The following SORL1 variants were observed in gnomAD, a reference collection of about 807,000 sequenced individuals.
SORL1 encodes the protein sortilin-related receptor.
In SORL1, 127 loss-of-function variants were observed where a neutral mutation model predicts 273.7. That is an observed-to-expected ratio of 0.46 (90% CI 0.40 to 0.54). SORL1 has a LOEUF of 0.54. SORL1 is among the 20% of genes least tolerant of loss of function. SORL1 has a pLI of 0.00. For synonymous variants in SORL1, 1,031 were observed against 1,067.4 expected (o/e 0.97, Z 0.66); for missense variants, 2,494 against 2,846.1 (o/e 0.88, Z 2.81).
Position 121,591,089 on chromosome 11 carries a change from C to T in SORL1, c.4302C>T (p.Asp1434=), listed in dbSNP as rs1230078141. The change falls in exon 31 of 48, where the codon GAC becomes GAT. Residue 1434 remains aspartate, a synonymous_variant. Transcript: ENST00000260197. ...GCAGCAGTGGGACCTGCGTGATGGA[C>T]ACCTGGGTGTGCGACGGGTACCGAG... ...YRCSSGTCVM[D]TWVCDGYRDC... 1.9e-6 allele frequency: 3 copies of T among 1,614,114 alleles called. No individual in the cohort carries two copies. The African/African-American group carries it at 4.0e-5, about 22-fold the overall frequency.
At position 121,488,016 on chromosome 11, in the gene SORL1, C is replaced by G. The variant is rs1253972145; in HGVS notation, c.529-16C>G. On this transcript the variant is annotated splice_polypyrimidine_tract_variant and intron_variant, in intron 3 of 47. Coordinates refer to ENST00000260197, the MANE Select transcript of SORL1 (RefSeq NM_003105.6). ...TGGACAGGGCCTGCTCTCAACTTACCTGTTTTCCCTTGCAGTACATCTTTG... is the reference window on the plus strand; with the variant it reads ...TGGACAGGGCCTGCTCTCAACTTACGTGTTTTCCCTTGCAGTACATCTTTG... 1 of 1,613,598 alleles carries G rather than the reference C, an allele frequency of 6.2e-7. No homozygotes were observed. Among genetic ancestry groups the G allele is most frequent in the Non-Finnish European group, 8.5e-7 (1 of 1,179,740 alleles).
intron 11 of SORL1, among the ~76,000 whole-genome samples, chr11:121,527,225 G>A (rs1862136851): frequency 1.3e-5 from 2 of 150,582 alleles, no homozygotes; most frequent in Non-Finnish European, 3.0e-5. Flanking sequence ...ATCAGATACT[G>A]GATTTTGTGA....
chr11:121,484,585 G>A (rs1565311143), intron 3 of SORL1, among the ~76,000 whole-genome samples: 1 of 152,088 alleles, frequency 6.6e-6, no homozygotes, highest in Non-Finnish European at 1.5e-5. Flanking sequence ...AGGAGACTTG[G>A]GACGTGGGGA....
intron 5 of SORL1, among the ~76,000 whole-genome samples, chr11:121,492,916 C>T (rs980285625): frequency 6.6e-6 from 1 of 151,232 alleles, no homozygotes; most frequent in Non-Finnish European, 1.5e-5. Flanking sequence ...CAATTCTCTG[C>T]CTCAGCCTCC....
intron 46 of SORL1, chr11:121,626,056 C>T (rs1383249565): frequency 6.6e-6 from 1 of 152,238 alleles, no homozygotes. Context: ...TGCCACTTCC[C>T]TTGGGAGAAT....
rs1861268900 is a variant in SORL1 at position 121,476,509 on chromosome 11, T to G, written c.403-1609T>G. Reference sequence around the variant, plus strand: ...CCTTGTGTTTACATAGGGCATTGTTTGCAGACATTTACATGTTTACATGCC... The same window carrying G: ...CCTTGTGTTTACATAGGGCATTGTTGGCAGACATTTACATGTTTACATGCC... On this transcript the variant is annotated intron_variant, in intron 2 of 47. Transcript: ENST00000260197. Among the ~76,000 whole-genome samples the G allele has an allele frequency of 2.6e-5, 4 of 152,248 alleles. No homozygotes were observed. The South Asian group carries it at 8.3e-4, about 32-fold the overall frequency.
chr11:121,580,557 TA>T (rs1281615194), intron 25 of SORL1, among the ~76,000 whole-genome samples: 1 of 151,788 alleles, frequency 6.6e-6, no homozygotes, highest in African/African-American at 2.4e-5. Context: ...TCTCTGTCAT[TA>T]ATCATTCAAA....
intron 11 of SORL1, among the ~76,000 whole-genome samples, chr11:121,531,677 A>G (rs1862204031): frequency 6.6e-6 from 1 of 152,200 alleles, no homozygotes; most frequent in African/African-American, 2.4e-5. Flanking sequence ...TCAGTTCAGT[A>G]TGCTAAGCCT....
At chr11:121,545,875 G>C (rs1862418284) in intron 14 of SORL1, among the ~76,000 whole-genome samples, 1 of 152,216 alleles carries the variant, frequency 6.6e-6, no homozygotes, top group Admixed American at 6.5e-5. Flanking sequence ...CCAAGGCACT[G>C]CTGCGAATGC....
At chr11:121,579,898 CAT>C (rs529901912) in intron 25 of SORL1, among the ~76,000 whole-genome samples, 2 of 152,110 alleles carry the variant, frequency 1.3e-5, no homozygotes, top group Non-Finnish European at 2.9e-5. Context: ...TTATTATAGA[CAT>C]ATATTTAATC....
At chr11:121,568,656 A>G (rs572935978) in intron 22 of SORL1, among the ~76,000 whole-genome samples, 1 of 152,354 alleles carries the variant, frequency 6.6e-6, no homozygotes, top group Non-Finnish European at 1.5e-5. Context: ...AAACATACCT[A>G]TAGATATATT....
At chr11:121,514,359 C>A in intron 8 of SORL1, 38 bp downstream of exon 8, 1 of 1,567,406 alleles carries the variant, frequency 6.4e-7, no homozygotes. Flanking sequence ...CCTTCTTAGG[C>A]CAACACAACC....
chr11:121,557,038 A>G, intron 18 of SORL1: 1 of 445,160 alleles, frequency 2.2e-6, no homozygotes, highest in Non-Finnish European at 4.0e-6. Flanking sequence ...TTACTTATTG[A>G]TACTGCTTTG....
intron 28 of SORL1, among the ~76,000 whole-genome samples, chr11:121,588,400 A>T (rs1240375260): frequency 6.6e-6 from 1 of 152,158 alleles, no homozygotes; most frequent in East Asian, 1.9e-4. Flanking sequence ...GGGTGTATGT[A>T]TAAGGGGCAG....
At chr11:121,587,663 A>C (rs555992622) in intron 27 of SORL1, among the ~76,000 whole-genome samples, 2 of 152,170 alleles carry the variant, frequency 1.3e-5, no homozygotes, top group Non-Finnish European at 2.9e-5. Flanking sequence ...GAGAGTCAGT[A>C]TCTATTAATC....
intron 30 of SORL1, 21 bp downstream of exon 30, chr11:121,590,195 G>T: frequency 6.2e-7 from 1 of 1,611,294 alleles, no homozygotes; most frequent in Non-Finnish European, 8.5e-7. Flanking sequence ...CCTGGGGCCT[G>T]GGTTAGCCCC....
At chr11:121,514,705 G>A (rs1861926113) in intron 8 of SORL1, among the ~76,000 whole-genome samples, 2 of 152,252 alleles carry the variant, frequency 1.3e-5, no homozygotes, top group South Asian at 4.1e-4. Context: ...TGGCATATGC[G>A]GCCAGTGGAT....
At chr11:121,515,961 G>A (rs760113958) in intron 8 of SORL1, among the ~76,000 whole-genome samples, 1 of 152,156 alleles carries the variant, frequency 6.6e-6, no homozygotes, top group Admixed American at 6.5e-5. Context: ...CTTTTCCTTC[G>A]AAATGAGATG....
intron 41 of SORL1, among the ~76,000 whole-genome samples, chr11:121,616,696 CTCTG>C (rs949649736): frequency 2.0e-5 from 3 of 152,378 alleles, no homozygotes; most frequent in Non-Finnish European, 4.4e-5. Context: ...CTTCCTGTTT[CTCTG>C]TCTGTGTTCT....
Sources: allele counts gnomAD v4.1 joint callset (sites outside exome capture counted in the v4.1 genomes callset), GRCh38; gene constraint gnomAD v4.1.1; transcripts MANE v1.5; gene names NCBI Gene and HGNC (gene_info 2026-07-23, HGNC 2026-07-21).